The following ETV7 variants were observed in gnomAD, a reference collection of about 807,000 sequenced individuals.
The protein encoded by ETV7 is ETS variant transcription factor 7.
In ETV7, 43 loss-of-function variants were observed where a neutral mutation model predicts 39.1. The observed-to-expected ratio is 1.10, with a 90% CI of 0.86 to 1.42. The LOEUF is 1.42. Ranked by LOEUF, ETV7 falls within the 40% of genes most tolerant of loss-of-function variation. The pLI is 0.00. For missense variants in ETV7, 432 were observed against 442.3 expected, an observed-to-expected ratio of 0.98 and a Z score of 0.21; for synonymous variants, 196 against 176.6, an observed-to-expected ratio of 1.11 and a Z score of -0.87.
intron 4 of ETV7, 58 bp downstream of exon 4, chr6:36,373,395 C>T (rs1773134793): frequency 4.8e-6 from 7 of 1,457,520 alleles, no homozygotes; most frequent in Admixed American, 2.8e-5. Flanking sequence ...GATGTCCTGC[C>T]CTCCCAGTGA....
chr6:36,358,652 T>C (rs1312781582), intron 7 of ETV7, among the ~76,000 whole-genome samples: 1 of 152,186 alleles, frequency 6.6e-6, no homozygotes, highest in Non-Finnish European at 1.5e-5. Flanking sequence ...AAAGTGCCTT[T>C]GTTGGTGCTT....
chr6:36,387,352 C>T (rs1470195175), intron 1 of ETV7, among the ~76,000 whole-genome samples, 184 bp downstream of exon 1: 3 of 151,426 alleles, frequency 2.0e-5, no homozygotes, highest in Non-Finnish European at 4.4e-5. Context: ...CGGTGACCCG[C>T]GTCTGGAGGT....
intron 5 of ETV7, among the ~76,000 whole-genome samples, chr6:36,370,647 A>T (rs1325438090): frequency 6.6e-6 from 1 of 152,178 alleles, no homozygotes; most frequent in Non-Finnish European, 1.5e-5. Context: ...TTACCCATGT[A>T]ACAAACCTGC....
At chr6:36,376,084 A>G (rs1490166015) in intron 2 of ETV7, 49 bp from the exon 3 acceptor site, 3 of 1,541,324 alleles carry the variant, frequency 1.9e-6, no homozygotes, top group African/African-American at 1.4e-5. Context: ...GGCCTCCTCA[A>G]AGAAGCCCAC....
intron 5 of ETV7, among the ~76,000 whole-genome samples, chr6:36,370,973 T>C (rs918251586): frequency 7.2e-5 from 11 of 152,172 alleles, no homozygotes; most frequent in Non-Finnish European, 1.6e-4. Context: ...CAAAAGGCCA[T>C]TGTAGAATTA....
chr6:36,362,980 T>G (rs901355876), downstream of ETV7, among the ~76,000 whole-genome samples: 1 of 152,222 alleles, frequency 6.6e-6, no homozygotes, highest in Non-Finnish European at 1.5e-5. Context: ...TGAGGTGGCT[T>G]CAGGAGCGAA....
chr6:36,356,323 C>CAAAAAAAA lies in ETV7; in HGVS notation c.909-1644_909-1637dup, dbSNP rs59649348. Among the ~76,000 whole-genome samples, 42 of 77,692 alleles carry CAAAAAAAA rather than the reference C, an allele frequency of 5.4e-4. 3 individuals carry two copies. Among genetic ancestry groups the CAAAAAAAA allele is most frequent in the Non-Finnish European group, 9.5e-4 (33 of 34,614 alleles). 51.0% of individuals were successfully genotyped at this position (77,692 alleles called of 152,430 possible). A position where few individuals can be genotyped will look rare whatever the true frequency, so the allele number is the denominator to read the frequency against. The stretch of plus-strand genomic sequence containing the variant: ...TGGGTAAAAGAGTGAGACCCTGTCT[C>CAAAAAAAA]AAAAAAAAAAAAAAAACAAAAAAAA... On this transcript the variant is annotated intron_variant, in intron 7 of 7. Transcript: ENST00000339796.
At chr6:36,378,487 T>G (rs1172199371) in intron 2 of ETV7, among the ~76,000 whole-genome samples, 3 of 152,210 alleles carry the variant, frequency 2.0e-5, no homozygotes, top group African/African-American at 7.2e-5. Flanking sequence ...CTACATTAAT[T>G]TTCTGTGTTT....
intron 5 of ETV7, among the ~76,000 whole-genome samples, chr6:36,369,558 T>C (rs148513641): frequency 3.1e-4 from 47 of 152,302 alleles, no homozygotes; most frequent in African/African-American, 1.1e-3. Flanking sequence ...AAACCAGGCA[T>C]GCCATTGGGA....
chr6:36,368,349 TAAAG>T (rs1264285898), intron 6 of ETV7, among the ~76,000 whole-genome samples: 11 of 152,332 alleles, frequency 7.2e-5, no homozygotes, highest in South Asian at 4.1e-4. Flanking sequence ...TTTTTTTACT[TAAAG>T]AAACCTATTT....
At chr6:36,379,838 C>T (rs1474298702) in intron 2 of ETV7, among the ~76,000 whole-genome samples, 1 of 147,098 alleles carries the variant, frequency 6.8e-6, no homozygotes, top group East Asian at 2.0e-4. Flanking sequence ...ATCAAGCTAC[C>T]GCACTCCAGC....
intron 2 of ETV7, among the ~76,000 whole-genome samples, chr6:36,379,783 G>A (rs1292659943): frequency 6.6e-6 from 1 of 151,550 alleles, no homozygotes; most frequent in Non-Finnish European, 1.5e-5. Flanking sequence ...GGCTGAGACG[G>A]GAGAATCACT....
At chr6:36,358,571 G>A (rs13205289) in intron 7 of ETV7, among the ~76,000 whole-genome samples, 29,295 of 152,242 alleles carry the variant, frequency 0.19, 3,035 homozygotes, top group Admixed American at 0.28. Context: ...TCCCCCTGAT[G>A]TTCAGTTTCC....
intron 7 of ETV7, among the ~76,000 whole-genome samples, chr6:36,358,900 C>A (rs552295550): frequency 6.6e-6 from 1 of 152,168 alleles, no homozygotes. Context: ...AACAATACAC[C>A]GTGCTTCCTT....
intron 7 of ETV7, among the ~76,000 whole-genome samples, chr6:36,356,323 C>CAAAAAAA (rs59649348): frequency 2.2e-4 from 17 of 77,684 alleles, no homozygotes; most frequent in South Asian, 1.7e-3. Flanking sequence ...GACCCTGTCT[C>CAAAAAAA]AAAAAAAAAA....
intron 2 of ETV7, among the ~76,000 whole-genome samples, chr6:36,382,047 C>G (rs1773682303): frequency 6.6e-6 from 1 of 152,152 alleles, no homozygotes; most frequent in Non-Finnish European, 1.5e-5. Flanking sequence ...TTAGAACACT[C>G]GCTTTTAATC....
intron 2 of ETV7, among the ~76,000 whole-genome samples, chr6:36,377,398 T>C (rs1773431602): frequency 6.6e-6 from 1 of 151,948 alleles, no homozygotes; most frequent in African/African-American, 2.4e-5. Flanking sequence ...GCCCGGGAGG[T>C]CACAGTGAAC....
At chr6:36,377,126 A>G (rs886430715) in intron 2 of ETV7, among the ~76,000 whole-genome samples, 5 of 152,168 alleles carry the variant, frequency 3.3e-5, no homozygotes, top group Non-Finnish European at 5.9e-5. Flanking sequence ...CTACGTTACG[A>G]CTTCATGAGC....
chr6:36,382,394 C>T (rs1392635161), intron 2 of ETV7, among the ~76,000 whole-genome samples: 1 of 152,160 alleles, frequency 6.6e-6, no homozygotes, highest in Non-Finnish European at 1.5e-5. Context: ...GGTTCTCAAG[C>T]CAGCAGCATC....
Sources: gnomAD v4.1 joint callset for allele counts (sites outside exome capture counted in the v4.1 genomes callset) on GRCh38, gnomAD v4.1.1 for gene constraint, MANE v1.5 for transcripts, NCBI Gene and HGNC (gene_info 2026-07-23, HGNC 2026-07-21) for gene names.